The following PTPRR variants were observed in gnomAD, a reference collection of about 807,000 sequenced individuals.
The protein encoded by PTPRR is protein tyrosine phosphatase receptor type R, also known as receptor-type tyrosine-protein phosphatase R.
In PTPRR, 38 loss-of-function variants were observed where a neutral mutation model predicts 77.2. The ratio of observed to expected loss-of-function variants is 0.49; its 90% CI spans 0.38 to 0.65. The LOEUF (loss-of-function observed/expected upper bound fraction) is 0.65. Among genes scored for constraint, PTPRR ranks in the 30% least tolerant of loss-of-function variants. PTPRR has a pLI of 0.00. For synonymous variants in PTPRR, 299 were observed against 283.1 expected, an observed-to-expected ratio of 1.06 and a Z score of -0.57; for missense variants, 744 against 799.2, an observed-to-expected ratio of 0.93 and a Z score of 0.83.
At chr12:70,839,487 G>C (rs886346537) in intron 2 of PTPRR, among the ~76,000 whole-genome samples, 4 of 152,260 alleles carry the variant, frequency 2.6e-5, no homozygotes, top group Non-Finnish European at 5.9e-5. Flanking sequence ...CATTTGTGAA[G>C]TTATACAGAC....
At chr12:70,643,005 C>T (rs1886063895) in intron 13 of PTPRR, among the ~76,000 whole-genome samples, 1 of 152,058 alleles carries the variant, frequency 6.6e-6, no homozygotes, top group East Asian at 1.9e-4. Context: ...ACCCTGTCTA[C>T]AATTTAAAAG....
chr12:70,725,358 A>T (rs546938653), intron 6 of PTPRR, among the ~76,000 whole-genome samples: 3 of 152,314 alleles, frequency 2.0e-5, no homozygotes, highest in East Asian at 3.9e-4. Flanking sequence ...CCATAGCTCA[A>T]TTGTGAACAA....
intron 2 of PTPRR, among the ~76,000 whole-genome samples, chr12:70,794,600 G>A (rs148868372): frequency 6.6e-6 from 1 of 152,150 alleles, no homozygotes; most frequent in Admixed American, 6.5e-5. Flanking sequence ...ACAAATGGAG[G>A]AAAAGACACG....
At chr12:70,919,201 G>T (rs1472780050) in intron 1 of PTPRR, among the ~76,000 whole-genome samples, 1 of 152,130 alleles carries the variant, frequency 6.6e-6, no homozygotes. Flanking sequence ...TGTAATTTCA[G>T]AACAATTATT....
intron 6 of PTPRR, among the ~76,000 whole-genome samples, chr12:70,713,196 C>T (rs983473782): frequency 2.0e-5 from 3 of 152,112 alleles, no homozygotes; most frequent in South Asian, 2.1e-4. Context: ...AATGTTTTCA[C>T]GGTTCATCCA....
In PTPRR at chr12:70,735,725, C is replaced by T. The variant is rs138353055; in HGVS notation, c.1007+10093G>A. Among the ~76,000 whole-genome samples the T allele has an allele frequency of 2.3e-4, 35 of 152,274 alleles. No individual in the cohort carries two copies. In the South Asian group the frequency reaches 2.9e-3, roughly 13 times the overall value. ...ATTTTTATTTCTTTGTGACATTGAG[C>T]ATATTACTTATCTCTCTAAGTCTCT... On this transcript the variant is annotated intron_variant, in intron 6 of 13. Transcript: ENST00000283228.
chr12:70,829,042 G>T (rs1892165353), intron 2 of PTPRR, among the ~76,000 whole-genome samples: 1 of 152,058 alleles, frequency 6.6e-6, no homozygotes, highest in South Asian at 2.1e-4. Flanking sequence ...AGTCCACAGA[G>T]ACTGTGGACT....
At chr12:70,656,846 A>G (rs774964390) in intron 12 of PTPRR, 29 bp from the exon 13 acceptor site, 1 of 1,441,438 alleles carries the variant, frequency 6.9e-7, no homozygotes, top group South Asian at 1.2e-5. Context: ...AAATTTAAAA[A>G]GTGGGGGAAA....
At chr12:70,900,656 A>G (rs1293646434) in intron 1 of PTPRR, among the ~76,000 whole-genome samples, 2 of 151,622 alleles carry the variant, frequency 1.3e-5, no homozygotes, top group East Asian at 1.9e-4. Context: ...AAAAATACAT[A>G]AGGAACTCAA....
intron 4 of PTPRR, among the ~76,000 whole-genome samples, chr12:70,758,569 A>C (rs1890614743): frequency 6.6e-6 from 1 of 152,146 alleles, no homozygotes; most frequent in African/African-American, 2.4e-5. Context: ...GAATTGTCCT[A>C]GGCAAGATGT....
At chr12:70,665,453 C>T (rs1221490219) in intron 10 of PTPRR, among the ~76,000 whole-genome samples, 3 of 123,384 alleles carry the variant, frequency 2.4e-5, no homozygotes, top group African/African-American at 9.1e-5. Context: ...ACAATGTCAG[C>T]TTACTGCAAC....
At chr12:70,651,522 A>C (rs1431122262) in intron 13 of PTPRR, among the ~76,000 whole-genome samples, 1 of 152,210 alleles carries the variant, frequency 6.6e-6, no homozygotes, top group African/African-American at 2.4e-5. Flanking sequence ...GCAGTTGCCG[A>C]CAACGTCACT....
intron 1 of PTPRR, among the ~76,000 whole-genome samples, chr12:70,899,400 T>C (rs933641163): frequency 5.3e-5 from 8 of 151,532 alleles, no homozygotes; most frequent in Admixed American, 6.6e-5. Context: ...TTCCTGGGAA[T>C]GTAGGGCTGC....
intron 6 of PTPRR, among the ~76,000 whole-genome samples, chr12:70,717,850 C>A (rs1345333664): frequency 1.3e-5 from 2 of 152,004 alleles, no homozygotes; most frequent in East Asian, 1.9e-4. Context: ...TGAATTATTT[C>A]TTCTGTTTAT....
chr12:70,644,625 A>G (rs1418169813), intron 13 of PTPRR, among the ~76,000 whole-genome samples: 2 of 152,226 alleles, frequency 1.3e-5, no homozygotes, highest in Admixed American at 1.3e-4. Flanking sequence ...TGTTTAGCAC[A>G]TAGCCAAGCA....
chr12:70,672,034 G>T lies in PTPRR; in HGVS notation c.1498-9429C>A, dbSNP rs569025065. ...AGTTCCAGGCACCCCACCTGGTGGG[G>T]CCTCACTTGGGCCCAGAGATGGAGA... On this transcript the variant is annotated intron_variant, in intron 10 of 13. Coordinates refer to ENST00000283228, the MANE Select transcript of PTPRR (RefSeq NM_002849.4). 5 of 1,325,792 alleles carry T rather than the reference G, an allele frequency of 3.8e-6. No individual in the cohort carries two copies. The South Asian group carries it at 6.0e-5, about 16-fold the overall frequency. 82.1% of individuals were successfully genotyped at this position (1,325,792 alleles called of 1,614,324 possible). A position where few individuals can be genotyped will look rare whatever the true frequency, so the allele number is the denominator to read the frequency against.
chr12:70,757,037 G>A (rs1044050683), intron 4 of PTPRR, among the ~76,000 whole-genome samples: 1 of 152,170 alleles, frequency 6.6e-6, no homozygotes, highest in Non-Finnish European at 1.5e-5. Context: ...CACAATGTGA[G>A]CAATTGTTCT....
chr12:70,755,781 C>T (rs971413116), intron 4 of PTPRR, among the ~76,000 whole-genome samples: 2 of 151,864 alleles, frequency 1.3e-5, no homozygotes, highest in African/African-American at 4.8e-5. Context: ...TGATTAGAAA[C>T]CAAGTACCCT....
At chr12:70,642,650 A>C (rs1472224718) in intron 13 of PTPRR, among the ~76,000 whole-genome samples, 10 of 152,102 alleles carry the variant, frequency 6.6e-5, no homozygotes, top group Admixed American at 6.6e-4. Flanking sequence ...AATAAAAAGC[A>C]CTTACGAGTC....
Sources: allele counts gnomAD v4.1 joint callset (sites outside exome capture counted in the v4.1 genomes callset), GRCh38; gene constraint gnomAD v4.1.1; transcripts MANE v1.5; gene names NCBI Gene and HGNC (gene_info 2026-07-23, HGNC 2026-07-21).